Variants in NAV2 observed in about 807,000 individuals in gnomAD.
NAV2 encodes the protein helicase, APC down-regulated 1.
NAV2 carries 54 observed loss-of-function variants against 223.2 expected under a neutral mutation model. The observed-to-expected ratio is 0.24, with a 90% confidence interval of 0.19 to 0.30. The LOEUF (loss-of-function observed/expected upper bound fraction) is 0.30, where lower values mean the gene tolerates loss of function less well. Among genes scored for constraint, NAV2 ranks in the 10% least tolerant of loss-of-function variants. NAV2 has a pLI of 1.00. For synonymous variants in NAV2, 1,279 were observed against 1,239.3 expected (o/e 1.03, Z -0.67); for missense variants, 2,806 against 3,147.5 (o/e 0.89, Z 2.60).
At chr11:19,560,832 A>G (rs1230570846) in intron 1 of NAV2, among the ~76,000 whole-genome samples, 2 of 152,242 alleles carry the variant, frequency 1.3e-5, no homozygotes, top group Non-Finnish European at 2.9e-5. Flanking sequence ...GTCAGTACAC[A>G]CTAAGTGGGC....
intron 1 of NAV2, among the ~76,000 whole-genome samples, chr11:19,611,711 C>A (rs1565098875): frequency 6.6e-6 from 1 of 152,182 alleles, no homozygotes; most frequent in East Asian, 1.9e-4. Context: ...GGCAGCTCCA[C>A]CCCTGTGGCT....
At chr11:19,507,816 A>G (rs1441014628) in intron 1 of NAV2, among the ~76,000 whole-genome samples, 3 of 152,174 alleles carry the variant, frequency 2.0e-5, no homozygotes, top group Admixed American at 1.3e-4. Flanking sequence ...TAACAACCCT[A>G]TCAGTGAGTC....
At chr11:20,082,896 G>T (rs1414502079) in intron 25 of NAV2, 111 bp from the exon 26 acceptor site, 1 of 1,052,728 alleles carries the variant, frequency 9.5e-7, no homozygotes, top group South Asian at 1.7e-5. Flanking sequence ...TTCCATTGGT[G>T]GGGGGAAAAA....
intron 5 of NAV2, among the ~76,000 whole-genome samples, chr11:19,880,817 C>A (rs190576518): frequency 3.4e-4 from 51 of 152,236 alleles, no homozygotes; most frequent in African/African-American, 9.9e-4. Flanking sequence ...GTGGAAATAA[C>A]ATCACCCTGT....
At chr11:20,038,291 T>G (rs1341192000) in intron 12 of NAV2, among the ~76,000 whole-genome samples, 1 of 152,244 alleles carries the variant, frequency 6.6e-6, no homozygotes, top group Non-Finnish European at 1.5e-5. Context: ...GATCAGAAGT[T>G]ATTTTAAGGG....
intron 1 of NAV2, among the ~76,000 whole-genome samples, chr11:19,589,934 GC>G (rs2046010359): frequency 6.6e-6 from 1 of 152,176 alleles, no homozygotes; most frequent in Non-Finnish European, 1.5e-5. Flanking sequence ...CCTAGGCTCA[GC>G]CCTGAGCTCA....
At chr11:19,822,225 C>T (rs1480161436) in intron 1 of NAV2, among the ~76,000 whole-genome samples, 3 of 152,188 alleles carry the variant, frequency 2.0e-5, no homozygotes, top group Non-Finnish European at 4.4e-5. Context: ...GATGAGGCAA[C>T]TGAGTCTCAG....
At chr11:19,554,678 T>G (rs1429972606) in intron 1 of NAV2, among the ~76,000 whole-genome samples, 1 of 152,122 alleles carries the variant, frequency 6.6e-6, no homozygotes. Context: ...GGTGGTGGTG[T>G]TTTTGCCAGC....
chr11:19,648,870 G>A (rs765686651), intron 1 of NAV2, among the ~76,000 whole-genome samples: 5 of 152,046 alleles, frequency 3.3e-5, no homozygotes, highest in Non-Finnish European at 7.4e-5. Context: ...CCAAATTTCT[G>A]CCACCTAGAA....
At chr11:19,694,854 G>GA (rs577724681) in intron 1 of NAV2, among the ~76,000 whole-genome samples, 15 of 152,158 alleles carry the variant, frequency 9.9e-5, no homozygotes, top group Non-Finnish European at 1.9e-4. Flanking sequence ...CTCTAGGTTG[G>GA]AAAAAAGGCC....
At chr11:19,477,521 G>A (rs144670142) in intron 1 of NAV2, among the ~76,000 whole-genome samples, 194 of 152,294 alleles carry the variant, frequency 1.3e-3, no homozygotes, top group African/African-American at 4.5e-3. Context: ...ACGGAACTGG[G>A]TCTATGTGGT....
At chr11:20,084,222 T>A (rs2060274238) in intron 26 of NAV2, among the ~76,000 whole-genome samples, 1 of 152,224 alleles carries the variant, frequency 6.6e-6, no homozygotes, top group African/African-American at 2.4e-5. Context: ...CTCAGCCTCC[T>A]GAATAGCTGG....
intron 1 of NAV2, among the ~76,000 whole-genome samples, chr11:19,523,329 A>C (rs1156521419): frequency 6.6e-6 from 1 of 152,102 alleles, no homozygotes; most frequent in East Asian, 1.9e-4. Flanking sequence ...AGCAAGGTGA[A>C]ATGGATGGGG....
chr11:19,426,652 C>A (rs1850840048), intron 1 of NAV2, among the ~76,000 whole-genome samples: 1 of 151,996 alleles, frequency 6.6e-6, no homozygotes, highest in Admixed American at 6.6e-5. Context: ...AGGCCATAGC[C>A]ATTGAGAACC....
At chr11:19,815,071 A>G (rs1367276724) in intron 1 of NAV2, among the ~76,000 whole-genome samples, 2 of 152,194 alleles carry the variant, frequency 1.3e-5, no homozygotes, top group South Asian at 2.1e-4. Context: ...GTGAGCAGAT[A>G]TTCTGTGTGG....
intron 1 of NAV2, among the ~76,000 whole-genome samples, chr11:19,446,052 T>C (rs2632016): frequency 0.92 from 139,439 of 152,260 alleles, 63,894 homozygotes; most frequent in Middle Eastern, 0.95. Context: ...TGCTTTACCA[T>C]GCTGTGCATC....
chr11:19,516,007 A>G (rs1475308797), intron 1 of NAV2, among the ~76,000 whole-genome samples: 1 of 152,252 alleles, frequency 6.6e-6, no homozygotes, highest in Non-Finnish European at 1.5e-5. Flanking sequence ...TTGGTTTTAA[A>G]GTGTTACTGT....
chr11:19,675,577 G>T (rs2048692552), intron 1 of NAV2, among the ~76,000 whole-genome samples: 1 of 152,214 alleles, frequency 6.6e-6, no homozygotes, highest in African/African-American at 2.4e-5. Context: ...TAGCAAATAG[G>T]TGTTCAATAA....
intron 6 of NAV2, among the ~76,000 whole-genome samples, chr11:19,906,991 T>C (rs1392342747): frequency 6.6e-6 from 1 of 152,204 alleles, no homozygotes; most frequent in South Asian, 2.1e-4. Context: ...GCAACTCTAT[T>C]TGATGGCTGT....
Sources: gnomAD v4.1 joint callset for allele counts (sites outside exome capture counted in the v4.1 genomes callset) on GRCh38, gnomAD v4.1.1 for gene constraint, MANE v1.5 for transcripts, NCBI Gene and HGNC (gene_info 2026-07-23, HGNC 2026-07-21) for gene names.